The following MDGA2 variants were observed in gnomAD, a reference collection of about 807,000 sequenced individuals.
The protein encoded by MDGA2 is MAM domain-containing glycosylphosphatidylinositol anchor protein 2.
In MDGA2, 40 loss-of-function variants were observed where a neutral mutation model predicts 117.8. The observed-to-expected ratio is 0.34, with a 90% CI of 0.26 to 0.44. The LOEUF is 0.44. Ranked by LOEUF, MDGA2 falls within the 20% of genes least tolerant of loss-of-function variation. The probability of loss-of-function intolerance (pLI) is 1.00; values close to 1 mark genes in which losing one functional copy is unlikely to be tolerated. For synonymous variants in MDGA2, 452 were observed against 439.0 expected (o/e 1.03, Z -0.37); for missense variants, 1,123 against 1,250.6 (o/e 0.90, Z 1.54).
chr14:47,198,339 G>C (rs1885363408), intron 3 of MDGA2, among the ~76,000 whole-genome samples: 1 of 152,210 alleles, frequency 6.6e-6, no homozygotes, highest in Non-Finnish European at 1.5e-5. Flanking sequence ...TTGGGAGGCT[G>C]AGGCGGGCAG....
intron 1 of MDGA2, among the ~76,000 whole-genome samples, chr14:47,567,408 A>C (rs1219010263): frequency 6.6e-6 from 1 of 152,200 alleles, no homozygotes; most frequent in African/African-American, 2.4e-5. Flanking sequence ...TAGAAATGCT[A>C]CATGTTGAAT....
At chr14:47,524,643 T>G (rs897975651) in intron 1 of MDGA2, among the ~76,000 whole-genome samples, 2 of 152,222 alleles carry the variant, frequency 1.3e-5, no homozygotes, top group Non-Finnish European at 2.9e-5. Context: ...CAGCTCCATT[T>G]TAATAATATA....
chr14:47,078,610 A>G (rs1890585075), intron 6 of MDGA2, among the ~76,000 whole-genome samples: 1 of 152,220 alleles, frequency 6.6e-6, no homozygotes, highest in South Asian at 2.1e-4. Context: ...AAAATTATTA[A>G]GAAAAAACTG....
chr14:47,335,745 T>TATATATACATACATAC, intron 1 of MDGA2, among the ~76,000 whole-genome samples: 3 of 95,558 alleles, frequency 3.1e-5, no homozygotes, highest in Non-Finnish European at 4.3e-5. Context: ...TATATATATA[T>TATATATACATACATAC]ATACATACAT....
At chr14:46,970,669 G>A (rs958876349) in intron 8 of MDGA2, among the ~76,000 whole-genome samples, 6 of 151,946 alleles carry the variant, frequency 3.9e-5, no homozygotes, top group Admixed American at 3.3e-4. Flanking sequence ...TGAAATCACC[G>A]GCTACTATAA....
intron 1 of MDGA2, among the ~76,000 whole-genome samples, chr14:47,619,020 A>G (rs993351357): frequency 6.6e-6 from 1 of 151,950 alleles, no homozygotes; most frequent in African/African-American, 2.4e-5. Context: ...AGGATGGAAG[A>G]ATCAAGGTTT....
intron 2 of MDGA2, among the ~76,000 whole-genome samples, chr14:47,253,880 C>G (rs879607487): frequency 2.0e-5 from 3 of 152,246 alleles, no homozygotes; most frequent in Non-Finnish European, 2.9e-5. Context: ...CCTCTGAAAT[C>G]TAGGCAGAGG....
chr14:47,462,815 T>A (rs1228851941), intron 1 of MDGA2, among the ~76,000 whole-genome samples: 1 of 152,194 alleles, frequency 6.6e-6, no homozygotes, highest in African/African-American at 2.4e-5. Context: ...AACTAAATAA[T>A]TATTTGGACT....
chr14:47,440,343 A>G (rs934350572), intron 1 of MDGA2, among the ~76,000 whole-genome samples: 1 of 152,144 alleles, frequency 6.6e-6, no homozygotes, highest in African/African-American at 2.4e-5. Flanking sequence ...CTGAGGGACT[A>G]TGTCCATGGG....
intron 1 of MDGA2, among the ~76,000 whole-genome samples, chr14:47,541,775 T>C (rs1170838856): frequency 6.6e-6 from 1 of 152,208 alleles, no homozygotes; most frequent in East Asian, 1.9e-4. Flanking sequence ...CACTCCATTT[T>C]ATCCTCTTCT....
rs766249722 is a variant in MDGA2 at position 47,066,277 on chromosome 14, A to T, written c.1196-4699T>A. ...TTAAAGTTGGTACTTAATACTCTTT[A>T]TTGAATTTAATTATAATTGACATTT... On this transcript the variant is annotated intron_variant, in intron 6 of 16. Coordinates refer to ENST00000399232, the MANE Select transcript of MDGA2 (RefSeq NM_001113498.3). Among the ~76,000 whole-genome samples the T allele has an allele frequency of 9.4e-4, 143 of 152,170 alleles. 1 individual carries two copies. The highest frequency in any genetic ancestry group is 1.2e-3 in the Non-Finnish European group (83 of 68,030).
intron 5 of MDGA2, among the ~76,000 whole-genome samples, chr14:47,129,560 A>C (rs1377521233): frequency 4.1e-5 from 6 of 147,932 alleles, no homozygotes; most frequent in Non-Finnish European, 7.5e-5. Flanking sequence ...ATACGTGTGC[A>C]TGTGTCTTTA....
chr14:47,139,804 G>GTATATATATACACACATATATATACACA (rs1406881914), intron 4 of MDGA2, among the ~76,000 whole-genome samples: 1 of 143,174 alleles, frequency 7.0e-6, no homozygotes, highest in South Asian at 2.2e-4. Context: ...GTATATATAT[G>GTATATATATACACACATATATATACACA]TATATATATA....
At chr14:47,169,962 A>G (rs1308055613) in intron 3 of MDGA2, among the ~76,000 whole-genome samples, 1 of 152,162 alleles carries the variant, frequency 6.6e-6, no homozygotes, top group Non-Finnish European at 1.5e-5. Flanking sequence ...CACATTCACA[A>G]CATTCCAGTC....
chr14:47,083,491 T>C (rs887632416), intron 6 of MDGA2, among the ~76,000 whole-genome samples: 1 of 151,890 alleles, frequency 6.6e-6, no homozygotes, highest in African/African-American at 2.4e-5. Flanking sequence ...GTTCTTCATG[T>C]TAAAGTAACC....
chr14:47,011,594 G>A (rs1042380923), intron 8 of MDGA2, among the ~76,000 whole-genome samples: 1 of 151,846 alleles, frequency 6.6e-6, no homozygotes, highest in African/African-American at 2.4e-5. Flanking sequence ...TATATGTAGA[G>A]TCTATTAGTT....
At chr14:47,333,997 G>A (rs1416451608) in intron 1 of MDGA2, among the ~76,000 whole-genome samples, 2 of 151,658 alleles carry the variant, frequency 1.3e-5, no homozygotes, top group African/African-American at 4.8e-5. Flanking sequence ...TTCAGAATTT[G>A]GAGGAAATAT....
At chr14:47,539,261 G>C (rs925041773) in intron 1 of MDGA2, among the ~76,000 whole-genome samples, 1 of 152,180 alleles carries the variant, frequency 6.6e-6, no homozygotes, top group Admixed American at 6.5e-5. Flanking sequence ...AAAGCAGAGT[G>C]CCACCGGATG....
chr14:47,135,303 T>A (rs1882398542), intron 4 of MDGA2, among the ~76,000 whole-genome samples: 1 of 152,108 alleles, frequency 6.6e-6, no homozygotes, highest in Non-Finnish European at 1.5e-5. Flanking sequence ...TACTAATATA[T>A]TCCTAGTGAA....
Sources: allele counts gnomAD v4.1 joint callset (sites outside exome capture counted in the v4.1 genomes callset), GRCh38; gene constraint gnomAD v4.1.1; transcripts MANE v1.5; gene names NCBI Gene and HGNC (gene_info 2026-07-23, HGNC 2026-07-21).